The following HPSE2 variants were observed in gnomAD, a reference collection of about 807,000 sequenced individuals.
HPSE2 encodes heparanase 2 (inactive).
HPSE2 carries 38 observed loss-of-function variants against 60.5 expected under a neutral mutation model. The observed-to-expected ratio is 0.63, with a 90% CI of 0.48 to 0.82. The LOEUF is 0.82. HPSE2 is among the 40% of genes least tolerant of loss of function. The pLI, the probability that HPSE2 is intolerant of heterozygous loss-of-function variation, is 0.00. For missense variants in HPSE2, 713 were observed against 740.4 expected (o/e 0.96, Z 0.43); for synonymous variants, 295 against 293.2 (o/e 1.01, Z -0.06).
At chr10:98,716,700 A>T (rs1288559663) in intron 5 of HPSE2, among the ~76,000 whole-genome samples, 1 of 152,114 alleles carries the variant, frequency 6.6e-6, no homozygotes, top group Non-Finnish European at 1.5e-5. Flanking sequence ...AGGCTGCAGA[A>T]TGGAGGGTGA....
At chr10:99,063,111 T>A (rs1418132697) in intron 3 of HPSE2, among the ~76,000 whole-genome samples, 1 of 152,234 alleles carries the variant, frequency 6.6e-6, no homozygotes, top group Non-Finnish European at 1.5e-5. Context: ...ATGATGATAG[T>A]AATTCTTACC....
the HPSE2 span, among the ~76,000 whole-genome samples, chr10:99,257,301 C>T: frequency 5.3e-5 from 8 of 152,124 alleles, no homozygotes; most frequent in Non-Finnish European, 8.8e-5. Flanking sequence ...AAACTCTGAC[C>T]GCTGGTGAGC....
At chr10:98,739,997 T>G (rs1421488028) in intron 4 of HPSE2, among the ~76,000 whole-genome samples, 1 of 152,132 alleles carries the variant, frequency 6.6e-6, no homozygotes, top group Non-Finnish European at 1.5e-5. Flanking sequence ...CTTTCTTACT[T>G]TAGATTCACC....
chr10:98,654,613 C>G (rs1197276665), intron 6 of HPSE2, among the ~76,000 whole-genome samples: 1 of 152,028 alleles, frequency 6.6e-6, no homozygotes, highest in Non-Finnish European at 1.5e-5. Context: ...TTATATTAAC[C>G]ATGTATTTTT....
intron 3 of HPSE2, among the ~76,000 whole-genome samples, chr10:99,132,212 AGAGAG>A (rs1845450966): frequency 3.9e-5 from 1 of 25,608 alleles, no homozygotes; most frequent in African/African-American, 6.2e-5. Flanking sequence ...AGAGAGAGAG[AGAGAG>A]AGAGAGAGAG....
chr10:98,620,023 T>C (rs1253660456), intron 8 of HPSE2, among the ~76,000 whole-genome samples: 3 of 152,216 alleles, frequency 2.0e-5, no homozygotes, highest in Non-Finnish European at 4.4e-5. Context: ...TTCTCATCCG[T>C]AAATGGGATA....
At chr10:98,471,192 A>T (rs1940765361) in intron 11 of HPSE2, among the ~76,000 whole-genome samples, 1 of 152,210 alleles carries the variant, frequency 6.6e-6, no homozygotes, top group South Asian at 2.1e-4. Flanking sequence ...CGAAGATACA[A>T]ATCATCTGGG....
chr10:98,947,199 A>AAAAG (rs1955212125), intron 3 of HPSE2, among the ~76,000 whole-genome samples: 4 of 152,222 alleles, frequency 2.6e-5, no homozygotes, highest in Non-Finnish European at 4.4e-5. Context: ...TAAAGCCATC[A>AAAAG]CTGCAGCTAT....
intron 3 of HPSE2, among the ~76,000 whole-genome samples, chr10:98,913,625 G>GA (rs926908271): frequency 1.3e-5 from 2 of 152,056 alleles, no homozygotes; most frequent in African/African-American, 4.8e-5. Context: ...CATTTTTGAG[G>GA]AAAAAATGGC....
intron 3 of HPSE2, among the ~76,000 whole-genome samples, chr10:99,025,398 G>A (rs1957355196): frequency 6.6e-6 from 1 of 152,072 alleles, no homozygotes; most frequent in South Asian, 2.1e-4. Context: ...ACACATGCAT[G>A]CAAATGTTCA....
At chr10:99,201,766 G>T (rs1188205329) in intron 2 of HPSE2, among the ~76,000 whole-genome samples, 21 of 152,016 alleles carry the variant, frequency 1.4e-4, no homozygotes, top group Admixed American at 1.4e-3. Context: ...GGGATCAAAG[G>T]TTAATATGCA....
At chr10:98,996,654 T>C (rs1956648139) in intron 3 of HPSE2, among the ~76,000 whole-genome samples, 1 of 152,212 alleles carries the variant, frequency 6.6e-6, no homozygotes, top group South Asian at 2.1e-4. Flanking sequence ...CTGCGGTATA[T>C]TCATTTAATG....
chr10:99,274,794 T>C, the HPSE2 span, among the ~76,000 whole-genome samples: 1 of 152,216 alleles, frequency 6.6e-6, no homozygotes, highest in South Asian at 2.1e-4. Flanking sequence ...AATAACTTCT[T>C]TTTAAATTTC....
At chr10:98,853,273 T>C (rs977794407) in intron 3 of HPSE2, among the ~76,000 whole-genome samples, 2 of 152,174 alleles carry the variant, frequency 1.3e-5, no homozygotes, top group East Asian at 1.9e-4. Context: ...AAAGAGGAGA[T>C]GTTTTCCCTC....
intron 3 of HPSE2, among the ~76,000 whole-genome samples, chr10:98,884,791 G>C (rs1596653): frequency 6.6e-6 from 1 of 152,016 alleles, no homozygotes. Context: ...TTAGATTCTC[G>C]TAAGGAGCAC....
intron 5 of HPSE2, among the ~76,000 whole-genome samples, chr10:98,710,038 C>T (rs557176984): frequency 1.6e-4 from 24 of 151,736 alleles, no homozygotes; most frequent in Admixed American, 1.5e-3. Flanking sequence ...ATGTGACAGC[C>T]GTTCTACACA....
intron 3 of HPSE2, among the ~76,000 whole-genome samples, chr10:99,025,063 C>T (rs78517082): frequency 2.6e-5 from 4 of 151,984 alleles, no homozygotes; most frequent in African/African-American, 9.7e-5. Context: ...TCCTCTTATC[C>T]TAAGTAGAAA....
chr10:98,719,818 T>C (rs1358697622), intron 5 of HPSE2, among the ~76,000 whole-genome samples: 2 of 150,992 alleles, frequency 1.3e-5, no homozygotes, highest in Non-Finnish European at 2.9e-5. Flanking sequence ...CTGACCAACA[T>C]GGCGAAACCC....
chr10:98,597,387 A>G (rs1945268618), intron 9 of HPSE2, among the ~76,000 whole-genome samples: 1 of 151,888 alleles, frequency 6.6e-6, no homozygotes, highest in Admixed American at 6.6e-5. Flanking sequence ...ATTTGTGGCC[A>G]TGTGCCACGG....
Sources: allele counts gnomAD v4.1 joint callset (sites outside exome capture counted in the v4.1 genomes callset), GRCh38; gene constraint gnomAD v4.1.1; transcripts MANE v1.5; gene names NCBI Gene and HGNC (gene_info 2026-07-23, HGNC 2026-07-21).